Variants in DNAJC8 observed in about 807,000 individuals in gnomAD.
DNAJC8 encodes DnaJ heat shock protein family (Hsp40) member C8, also known as dnaJ homolog subfamily C member 8.
DNAJC8 carries 24 observed loss-of-function variants against 43.2 expected under a neutral mutation model. That is an observed-to-expected ratio of 0.56 (90% confidence interval 0.40 to 0.78). DNAJC8 has a LOEUF of 0.78. Among genes scored for constraint, DNAJC8 ranks in the 30% least tolerant of loss-of-function variants. The pLI, the probability that DNAJC8 is intolerant of heterozygous loss-of-function variation, is 0.00. For missense variants in DNAJC8, 207 were observed against 299.4 expected (o/e 0.69, Z 2.28); for synonymous variants, 83 against 98.0 (o/e 0.85, Z 0.90).
At chr1:28,223,586 G>A (rs1279430699) in intron 2 of DNAJC8, among the ~76,000 whole-genome samples, 1 of 152,006 alleles carries the variant, frequency 6.6e-6, no homozygotes, top group East Asian at 1.9e-4. Flanking sequence ...AATTCTGTAG[G>A]AGCCAGCGCC....
chr1:28,203,989 A>C (rs1646753218), intron 7 of DNAJC8, among the ~76,000 whole-genome samples, 167 bp from the exon 8 acceptor site: 1 of 152,226 alleles, frequency 6.6e-6, no homozygotes, highest in Non-Finnish European at 1.5e-5. Flanking sequence ...TGAATGTCTC[A>C]TTCTAAAACA....
At chr1:28,207,431 TTTGTTGTTG>T (rs143873627) in intron 6 of DNAJC8, among the ~76,000 whole-genome samples, 14 of 150,444 alleles carry the variant, frequency 9.3e-5, no homozygotes, top group South Asian at 2.1e-4. Flanking sequence ...AAATAAAATG[TTTGTTGTTG>T]TTGTTGTTGT....
chr1:28,208,403 C>T lies in DNAJC8; in HGVS notation c.410G>A (p.Arg137Gln). ...KEYVEHTVKE[R>Q]KKQLKKEGKP... Reference sequence around the variant, plus strand: ...TCCTTCCTTCTTTAATTGTTTTTTTCGCTCTTTCACCTAAAAAGAATTTTT... The same window carrying T: ...TCCTTCCTTCTTTAATTGTTTTTTTTGCTCTTTCACCTAAAAAGAATTTTT... The change falls in exon 6 of 9, where the codon CGA (arginine) becomes CAA (glutamine). Residue 137 changes from arginine to glutamine, a missense_variant. Coordinates refer to ENST00000263697, the MANE Select transcript of DNAJC8 (RefSeq NM_014280.3). The T allele has an allele frequency of 3.7e-6, 6 of 1,609,024 alleles. No homozygotes were observed. Among genetic ancestry groups the T allele is most frequent in the Non-Finnish European group, 4.2e-6 (5 of 1,177,066 alleles).
At position 28,203,733 on chromosome 1, in the gene DNAJC8, C is replaced by G; in HGVS notation, c.639+14G>C. The G allele has an allele frequency of 1.2e-6, 2 of 1,613,902 alleles. No homozygotes were observed. Among genetic ancestry groups the G allele is most frequent in the Non-Finnish European group, 1.7e-6 (2 of 1,179,880 alleles). The stretch of plus-strand genomic sequence containing the variant: ...ATTCTGGAATTAGAATCCCTGGCCA[C>G]CTTGGAAATTTACCTCAAAGTTTTT... On this transcript the variant is annotated intron_variant, in intron 8 of 8. Coordinates refer to ENST00000263697, the MANE Select transcript of DNAJC8 (RefSeq NM_014280.3).
chr1:28,225,865 G>A (rs899948280), intron 2 of DNAJC8, among the ~76,000 whole-genome samples: 5 of 150,574 alleles, frequency 3.3e-5, no homozygotes, highest in Admixed American at 2.7e-4. Context: ...ACCATGCCCA[G>A]CAATGTTTGT....
chr1:28,210,129 C>A, intron 4 of DNAJC8, 63 bp from the exon 5 acceptor site: 1 of 1,435,682 alleles, frequency 7.0e-7, no homozygotes, highest in South Asian at 1.1e-5. Flanking sequence ...GAACTATACT[C>A]AGGCAGTGTA....
intron 3 of DNAJC8, among the ~76,000 whole-genome samples, chr1:28,214,204 C>G (rs1646835392): frequency 6.6e-6 from 1 of 151,976 alleles, no homozygotes; most frequent in Non-Finnish European, 1.5e-5. Context: ...ACTCTTTATA[C>G]CAGTTATCTC....
intron 2 of DNAJC8, among the ~76,000 whole-genome samples, chr1:28,217,180 G>A (rs926379763): frequency 1.3e-5 from 2 of 151,292 alleles, no homozygotes; most frequent in Non-Finnish European, 2.9e-5. Flanking sequence ...TACCCAGGCT[G>A]GAGTGCAGTG....
chr1:28,213,711 G>A (rs1000280040), intron 3 of DNAJC8, among the ~76,000 whole-genome samples: 1 of 152,098 alleles, frequency 6.6e-6, no homozygotes, highest in African/African-American at 2.4e-5. Context: ...TAGGGACTAC[G>A]ATTATTCAAC....
intron 8 of DNAJC8, among the ~76,000 whole-genome samples, chr1:28,202,317 T>C (rs1646740152): frequency 6.6e-6 from 1 of 152,150 alleles, no homozygotes; most frequent in South Asian, 2.1e-4. Context: ...TCTCGCTCTG[T>C]TGCCCAGGCT....
chr1:28,202,540 A>G (rs1421023729), intron 8 of DNAJC8, among the ~76,000 whole-genome samples: 1 of 149,472 alleles, frequency 6.7e-6, no homozygotes, highest in Non-Finnish European at 1.5e-5. Context: ...TGGCCTCCCA[A>G]AGTGCTGGGA....
At chr1:28,223,553 C>A (rs780779867) in intron 2 of DNAJC8, among the ~76,000 whole-genome samples, 16 of 151,856 alleles carry the variant, frequency 1.1e-4, no homozygotes, top group South Asian at 2.1e-4. Flanking sequence ...ACAGAGAGAT[C>A]AATTAAGTAA....
intron 2 of DNAJC8, among the ~76,000 whole-genome samples, chr1:28,219,691 TTTTC>T (rs1433259663): frequency 2.0e-5 from 3 of 152,272 alleles, no homozygotes; most frequent in Non-Finnish European, 4.4e-5. Flanking sequence ...TCTATTCTTT[TTTTC>T]TTTCTTTCTT....
intron 1 of DNAJC8, among the ~76,000 whole-genome samples, chr1:28,232,012 C>A (rs891779121): frequency 2.0e-5 from 3 of 152,130 alleles, no homozygotes; most frequent in Non-Finnish European, 4.4e-5. Context: ...GTCTCGGCCT[C>A]CCAAAGTGCT....
At chr1:28,219,677 G>C (rs1450808738) in intron 2 of DNAJC8, among the ~76,000 whole-genome samples, 1 of 152,176 alleles carries the variant, frequency 6.6e-6, no homozygotes, top group Non-Finnish European at 1.5e-5. Context: ...AAGTTCGGAC[G>C]ATTTCTATTC....
chr1:28,201,424 TA>T, intron 8 of DNAJC8, 54 bp from the exon 9 acceptor site: 1 of 1,609,234 alleles, frequency 6.2e-7, no homozygotes. Context: ...TGGAAAGGCC[TA>T]AACCTGGTCT....
chr1:28,214,891 T>C (rs757210992), intron 3 of DNAJC8, 49 bp downstream of exon 3: 8 of 1,497,802 alleles, frequency 5.3e-6, no homozygotes, highest in Admixed American at 1.9e-5. Flanking sequence ...AAAAGAATCA[T>C]GTGCTTCATA....
chr1:28,220,441 A>G (rs1029166921), intron 2 of DNAJC8, among the ~76,000 whole-genome samples: 4 of 152,216 alleles, frequency 2.6e-5, no homozygotes, highest in Non-Finnish European at 1.5e-5. Context: ...AGAATCCCAT[A>G]CAGTGGGCAC....
At chr1:28,230,117 G>A (rs934875945) in intron 1 of DNAJC8, 1 of 151,954 alleles carries the variant, frequency 6.6e-6, no homozygotes, top group Non-Finnish European at 1.5e-5. Context: ...AAAGAAAAAA[G>A]AAAAATCCCT....
Sources: gnomAD v4.1 joint callset for allele counts (sites outside exome capture counted in the v4.1 genomes callset) on GRCh38, gnomAD v4.1.1 for gene constraint, MANE v1.5 for transcripts, NCBI Gene and HGNC (gene_info 2026-07-23, HGNC 2026-07-21) for gene names.